Variants in NAALADL2 observed in about 807,000 individuals in gnomAD.
NAALADL2 encodes inactive N-acetylated-alpha-linked acidic dipeptidase-like protein 2.
Under a neutral mutation model 87.2 loss-of-function variants are expected in NAALADL2, and 76 were observed. That is an observed-to-expected ratio of 0.87 (90% CI 0.72 to 1.05). The LOEUF (loss-of-function observed/expected upper bound fraction) is 1.05, where lower values mean the gene tolerates loss of function less well. Ranked by LOEUF, NAALADL2 falls within the 50% of genes least tolerant of loss-of-function variation. The probability of loss-of-function intolerance (pLI) is 0.00; values close to 1 mark genes in which losing one functional copy is unlikely to be tolerated. For synonymous variants in NAALADL2, 354 were observed against 331.0 expected (o/e 1.07, Z -0.75); for missense variants, 1,089 against 945.8 (o/e 1.15, Z -1.99).
intron 4 of NAALADL2, among the ~76,000 whole-genome samples, chr3:175,322,936 C>T (rs1760109667): frequency 6.6e-6 from 1 of 151,622 alleles, no homozygotes; most frequent in African/African-American, 2.4e-5. Flanking sequence ...GTGGCGATTC[C>T]TCGGGGATCT....
intron 9 of NAALADL2, among the ~76,000 whole-genome samples, chr3:175,474,208 T>A (rs2149300963): frequency 6.6e-6 from 1 of 152,288 alleles, no homozygotes; most frequent in East Asian, 1.9e-4. Context: ...GTATAGAATA[T>A]CTAATCCTTT....
chr3:174,956,697 G>A (rs1256572486), intron 1 of NAALADL2, among the ~76,000 whole-genome samples: 3 of 152,020 alleles, frequency 2.0e-5, no homozygotes, highest in African/African-American at 2.4e-5. Context: ...GGGCCTGCCA[G>A]TTCTGGAGAA....
At chr3:175,798,859 A>G (rs1753805090) in intron 13 of NAALADL2, among the ~76,000 whole-genome samples, 1 of 149,050 alleles carries the variant, frequency 6.7e-6, no homozygotes, top group South Asian at 2.1e-4. Context: ...TATTAATAAC[A>G]TCTTATCATT....
chr3:174,663,495 G>A (rs1319191890), intron 2 of NAALADL2, among the ~76,000 whole-genome samples: 1 of 152,132 alleles, frequency 6.6e-6, no homozygotes, highest in Admixed American at 6.6e-5. Flanking sequence ...GCAGAAAGGG[G>A]AAGGGGAGAT....
intron 11 of NAALADL2, among the ~76,000 whole-genome samples, chr3:175,663,081 G>A (rs1445848774): frequency 6.6e-6 from 1 of 151,786 alleles, no homozygotes; most frequent in Non-Finnish European, 1.5e-5. Flanking sequence ...GGTAGAATTG[G>A]TATTGGTTCT....
intron 9 of NAALADL2, among the ~76,000 whole-genome samples, chr3:175,565,603 TG>T (rs1716976207): frequency 6.8e-6 from 1 of 146,452 alleles, no homozygotes; most frequent in Non-Finnish European, 1.5e-5. Flanking sequence ...CCAAAACCTC[TG>T]TAAGAGACCC....
At chr3:175,126,493 C>G (rs964217846) in intron 2 of NAALADL2, among the ~76,000 whole-genome samples, 4 of 151,920 alleles carry the variant, frequency 2.6e-5, no homozygotes, top group Non-Finnish European at 4.4e-5. Context: ...CTGAACAATT[C>G]CATTTTTAAA....
intron 9 of NAALADL2, among the ~76,000 whole-genome samples, chr3:175,517,757 AG>A (rs1250389866): frequency 1.3e-5 from 2 of 151,990 alleles, no homozygotes; most frequent in Admixed American, 1.3e-4. Context: ...AGAAAGATAA[AG>A]GAAAACGGCT....
intron 4 of NAALADL2, among the ~76,000 whole-genome samples, chr3:175,273,433 C>A (rs1753140523): frequency 6.6e-6 from 1 of 152,012 alleles, no homozygotes; most frequent in South Asian, 2.1e-4. Flanking sequence ...TTATTCTGAA[C>A]CAATACCAAG....
At chr3:175,051,873 G>C (rs1044889975) in intron 1 of NAALADL2, among the ~76,000 whole-genome samples, 34 of 152,282 alleles carry the variant, frequency 2.2e-4, no homozygotes, top group African/African-American at 7.9e-4. Flanking sequence ...AACACATAAA[G>C]AGGAAGCCTA....
At chr3:174,478,103 T>C (rs537190008) in intron 1 of NAALADL2, among the ~76,000 whole-genome samples, 45 of 152,310 alleles carry the variant, frequency 3.0e-4, no homozygotes, top group African/African-American at 1.1e-3. Context: ...GATCCAATTA[T>C]GATACAAAAT....
chr3:174,521,082 C>G (rs1720249264), intron 1 of NAALADL2, among the ~76,000 whole-genome samples: 1 of 152,128 alleles, frequency 6.6e-6, no homozygotes, highest in South Asian at 2.1e-4. Flanking sequence ...TTAGTACAAC[C>G]TCTGTGCAAA....
intron 2 of NAALADL2, among the ~76,000 whole-genome samples, chr3:175,227,624 A>G (rs1380939203): frequency 2.0e-5 from 3 of 152,008 alleles, no homozygotes; most frequent in East Asian, 1.9e-4. Context: ...GTGGTTCACC[A>G]TAAATCCTGA....
chr3:174,542,357 T>C (rs1282134534), intron 1 of NAALADL2, among the ~76,000 whole-genome samples: 1 of 152,144 alleles, frequency 6.6e-6, no homozygotes, highest in East Asian at 1.9e-4. Flanking sequence ...GCTGATCTTA[T>C]GGGCATGGAC....
rs548452239 is a variant in NAALADL2 at position 175,423,268 on chromosome 3, T to G, written c.1091-23961T>G. On this transcript the variant is annotated intron_variant, in intron 5 of 13. Coordinates refer to ENST00000454872, the MANE Select transcript of NAALADL2 (RefSeq NM_207015.3). ...CAAACCGTTTAATTTCAGAGTCCAT[T>G]TTTTTTTGTTATTATACTCTAAGTT... is the stretch of plus-strand genomic sequence containing the variant. Among the ~76,000 whole-genome samples, 5 of 150,308 alleles carry G rather than the reference T, an allele frequency of 3.3e-5. No homozygotes were observed. In the East Asian group the frequency reaches 9.7e-4, roughly 29 times the overall value.
At chr3:175,151,012 A>G (rs1731466485) in intron 2 of NAALADL2, among the ~76,000 whole-genome samples, 3 of 152,142 alleles carry the variant, frequency 2.0e-5, no homozygotes, top group African/African-American at 7.2e-5. Context: ...TGATTGTTCT[A>G]CTGGATGGAA....
intron 5 of NAALADL2, among the ~76,000 whole-genome samples, chr3:175,390,573 G>A (rs1374646131): frequency 6.6e-6 from 1 of 152,140 alleles, no homozygotes; most frequent in Non-Finnish European, 1.5e-5. Context: ...AGAGAAGCAA[G>A]TTGTAAGAAG....
intron 9 of NAALADL2, among the ~76,000 whole-genome samples, chr3:175,512,038 T>C (rs1731228689): frequency 1.3e-5 from 2 of 152,108 alleles, no homozygotes; most frequent in African/African-American, 4.8e-5. Flanking sequence ...GCCAGTGAGT[T>C]AGAGACCAGC....
intron 2 of NAALADL2, among the ~76,000 whole-genome samples, chr3:174,665,543 CAGAG>C (rs1007410739): frequency 5.3e-5 from 8 of 152,078 alleles, no homozygotes; most frequent in Non-Finnish European, 7.3e-5. Context: ...AAATGGATGT[CAGAG>C]AGAATAAGTG....
Sources: gnomAD v4.1 joint callset for allele counts (sites outside exome capture counted in the v4.1 genomes callset) on GRCh38, gnomAD v4.1.1 for gene constraint, MANE v1.5 for transcripts, NCBI Gene and HGNC (gene_info 2026-07-23, HGNC 2026-07-21) for gene names.